Variants in TMC5 observed in about 807,000 individuals in gnomAD.
TMC5 encodes transmembrane channel-like protein 5.
TMC5 carries 86 observed loss-of-function variants against 110.5 expected under a neutral mutation model. The observed-to-expected ratio is 0.78, with a 90% CI of 0.65 to 0.93. The LOEUF (loss-of-function observed/expected upper bound fraction) is 0.93. Among genes scored for constraint, TMC5 ranks in the 40% least tolerant of loss-of-function variants. The probability of loss-of-function intolerance (pLI) is 0.00; values close to 1 mark genes in which losing one functional copy is unlikely to be tolerated. For missense variants in TMC5, 1,144 were observed against 1,222.8 expected (o/e 0.94, Z 0.96); for synonymous variants, 455 against 439.5 (o/e 1.04, Z -0.44).
chr16:19,453,049 G>A (rs1314625171), intron 5 of TMC5, among the ~76,000 whole-genome samples: 1 of 150,378 alleles, frequency 6.6e-6, no homozygotes, highest in Non-Finnish European at 1.5e-5. Context: ...GGTAGAAGAG[G>A]AGTCCCCAAA....
Position 19,428,229 on chromosome 16 carries a change from TACTTGTGAAGATTAATTGGTG to T in TMC5, c.-307-2160_-307-2140del, listed in dbSNP as rs1326823296. Among the ~76,000 whole-genome samples the T allele has an allele frequency of 2.0e-5, 3 of 152,206 alleles. 1 individual carries two copies. Among genetic ancestry groups the T allele is most frequent in the Admixed American group, 1.3e-4 (2 of 15,280 alleles). On this transcript the variant is annotated intron_variant, in intron 1 of 21. Transcript: ENST00000542583. ...TTCTAGCTTTTTTAAAAACAAATTT[TACTTGTGAAGATTAATTGGTG>T]ACTTGTGAAGATTAATTGGTGACAT...
intron 1 of TMC5, among the ~76,000 whole-genome samples, chr16:19,425,954 T>G (rs1967081319): frequency 1.3e-5 from 2 of 152,232 alleles, no homozygotes; most frequent in Non-Finnish European, 2.9e-5. Context: ...CCCAAATTGC[T>G]GGGATTACAG....
At chr16:19,471,921 C>T (rs1219699961) in intron 10 of TMC5, among the ~76,000 whole-genome samples, 167 bp from the exon 11 acceptor site, 5 of 152,082 alleles carry the variant, frequency 3.3e-5, no homozygotes, top group Admixed American at 6.6e-5. Flanking sequence ...CCACCACGCC[C>T]GGCTAATTTT....
intron 1 of TMC5, among the ~76,000 whole-genome samples, chr16:19,427,235 C>T (rs1001501094): frequency 1.3e-5 from 2 of 152,180 alleles, no homozygotes; most frequent in African/African-American, 2.4e-5. Context: ...CAGCGGATCA[C>T]TTGAGGCCAA....
chr16:19,441,808 T>G (rs1433243527), intron 3 of TMC5, among the ~76,000 whole-genome samples: 1 of 152,162 alleles, frequency 6.6e-6, no homozygotes, highest in Non-Finnish European at 1.5e-5. Context: ...ATTCATTCAT[T>G]CATTCATTTT....
At position 19,428,125 on chromosome 16, in the gene TMC5, TAA is replaced by T. The variant is rs897474855; in HGVS notation, c.-307-2285_-307-2284del. Among the ~76,000 whole-genome samples the T allele has an allele frequency of 2.6e-5, 4 of 152,272 alleles. 1 individual carries two copies. Among genetic ancestry groups the T allele is most frequent in the Admixed American group, 2.6e-4 (4 of 15,294 alleles). On this transcript the variant is annotated intron_variant, in intron 1 of 21. Transcript: ENST00000542583. ...ACTTCCTTCCAAGAAAGGATCGTGG[TAA>T]AAGAGGAGGAATCTTAGCTAGCGGA...
At chr16:19,441,536 G>C (rs1324841435) in intron 3 of TMC5, among the ~76,000 whole-genome samples, 4 of 151,886 alleles carry the variant, frequency 2.6e-5, no homozygotes, top group Admixed American at 2.6e-4. Flanking sequence ...GCCCAGGCTA[G>C]TCTTGAAGAA....
chr16:19,463,933 T>C lies in TMC5; in HGVS notation c.1394T>C (p.Ile465Thr), dbSNP rs866306567. ...TTGAAGTTCAACATTTTCTCATTCATCCTGAACTTCAGCTTCATCATAATC... is the reference window on the plus strand; with the variant it reads ...TTGAAGTTCAACATTTTCTCATTCACCCTGAACTTCAGCTTCATCATAATC... Reference protein sequence around the residue: ...WLLKFNIFSFILNFSFIIIPQ... With the variant: ...WLLKFNIFSFTLNFSFIIIPQ... Residue 465 changes from isoleucine to threonine, a missense_variant, in exon 8 of 22, where the codon ATC becomes ACC. Ile to Thr is a moderately conservative substitution (Grantham distance 89). Transcript: ENST00000542583. 1.9e-5 allele frequency: 30 copies of C among 1,614,062 alleles called. No homozygotes were observed. The highest frequency in any genetic ancestry group is 2.5e-5 in the Non-Finnish European group (29 of 1,180,032).
chr16:19,444,152 G>C lies in TMC5; in HGVS notation c.860G>C (p.Trp287Ser), dbSNP rs1302634752. 3 of 1,613,976 alleles carry C rather than the reference G, an allele frequency of 1.9e-6. No homozygotes were observed. The highest frequency in any genetic ancestry group is 2.5e-6 in the Non-Finnish European group (3 of 1,180,024). ...AGTGATGACCCCGTGGGCAGTCTTT[G>C]GGGAGAGAATGATTACCCTGAAGGC... Reference protein sequence around the residue: ...HRSDDPVGSLWGENDYPEGIE... With the variant: ...HRSDDPVGSLSGENDYPEGIE... Residue 287 changes from tryptophan (W) to serine (S), a missense_variant, in exon 4 of 22, where the codon TGG becomes TCG. Coordinates refer to ENST00000542583, the MANE Select transcript of TMC5 (RefSeq NM_001261841.2).
At chr16:19,454,408 AGTTCT>A (rs1004657491) in intron 5 of TMC5, among the ~76,000 whole-genome samples, 38 of 152,144 alleles carry the variant, frequency 2.5e-4, no homozygotes, top group African/African-American at 8.9e-4. Flanking sequence ...AATGACTAAG[AGTTCT>A]GCTTTGGGTT....
intron 14 of TMC5, among the ~76,000 whole-genome samples, chr16:19,480,363 A>G (rs1968587914): frequency 2.0e-5 from 3 of 152,056 alleles, no homozygotes; most frequent in Non-Finnish European, 4.4e-5. Context: ...CCTTATAGAC[A>G]TTTATGTATT....
At position 19,434,499 on chromosome 16, in the gene TMC5, G is replaced by GATATATAT. The variant is rs747139925; in HGVS notation, c.-80+3860_-80+3861insTATATATA. Among the ~76,000 whole-genome samples the GATATATAT allele has an allele frequency of 4.5e-3, 575 of 127,096 alleles. 22 individuals are homozygous for GATATATAT. Among genetic ancestry groups the GATATATAT allele is most frequent in the South Asian group, 7.4e-3 (32 of 4,310 alleles). The allele number at this position is 127,096 out of a possible 152,430, so 83.4% of individuals were successfully genotyped here. A position where few individuals can be genotyped will look rare whatever the true frequency, so the allele number is the denominator to read the frequency against. On this transcript the variant is annotated intron_variant, in intron 2 of 21. Transcript: ENST00000542583. ...AGATAGATAGATAGATAGATATAGA[G>GATATATAT]AGAGAGAGAGATGGGGGTCTTGCTA...
upstream of TMC5, among the ~76,000 whole-genome samples, chr16:19,417,094 C>CAAAAAAAAAAAAAAAAAAAA: frequency 1.4e-5 from 1 of 69,176 alleles, no homozygotes; most frequent in Non-Finnish European, 2.4e-5. Context: ...ACTCAGTCTT[C>CAAAAAAAAAAAAAAAAAAAA]AAAAAAAAAA....
In TMC5 at chr16:19,488,162, T is replaced by C. The variant is rs149424982; in HGVS notation, c.2573+836T>C. Among the ~76,000 whole-genome samples the C allele has an allele frequency of 6.0e-4, 92 of 152,184 alleles. No homozygotes were observed. In the East Asian group the frequency reaches 0.016, roughly 26 times the overall value. On this transcript the variant is annotated intron_variant, in intron 17 of 21. Coordinates refer to ENST00000542583, the MANE Select transcript of TMC5 (RefSeq NM_001261841.2). ...CATTTGAAAGGTGTGCTTTGTAAGC[T>C]AGCCCAGGGAAGGGCAGCTAGCCCT...
chr16:19,415,534 T>C (rs189373710), upstream of TMC5, among the ~76,000 whole-genome samples: 2 of 152,338 alleles, frequency 1.3e-5, no homozygotes, highest in Non-Finnish European at 1.5e-5. Context: ...CAACAGGCAG[T>C]TGTCTGGCCC....
At chr16:19,421,206 G>A (rs1002842473) in intron 1 of TMC5, among the ~76,000 whole-genome samples, 5 of 152,056 alleles carry the variant, frequency 3.3e-5, no homozygotes, top group Non-Finnish European at 7.4e-5. Flanking sequence ...TTCATCATGG[G>A]TTTTTTGCAC....
At chr16:19,423,572 G>A (rs1016803246) in intron 1 of TMC5, among the ~76,000 whole-genome samples, 1 of 152,080 alleles carries the variant, frequency 6.6e-6, no homozygotes, top group Non-Finnish European at 1.5e-5. Flanking sequence ...CTTGCGTTTT[G>A]TGTCTTATAA....
chr16:19,456,087 A>G (rs947801527), intron 5 of TMC5, among the ~76,000 whole-genome samples: 2 of 151,938 alleles, frequency 1.3e-5, no homozygotes, highest in East Asian at 3.9e-4. Flanking sequence ...GGCGCCTGTA[A>G]TCCCAGCTAC....
chr16:19,456,962 A>G (rs1332489704), intron 5 of TMC5: 3 of 1,614,036 alleles, frequency 1.9e-6, no homozygotes, highest in Non-Finnish European at 2.5e-6. Context: ...GACCCTTCAT[A>G]GCCTAGAATG....
Sources: allele counts gnomAD v4.1 joint callset (sites outside exome capture counted in the v4.1 genomes callset), GRCh38; gene constraint gnomAD v4.1.1; transcripts MANE v1.5; gene names NCBI Gene and HGNC (gene_info 2026-07-23, HGNC 2026-07-21).